Variants in CPD observed in about 807,000 individuals in gnomAD.
CPD encodes the protein carboxypeptidase D.
CPD carries 69 observed loss-of-function variants against 138.3 expected under a neutral mutation model. The ratio of observed to expected loss-of-function variants is 0.50; its 90% confidence interval spans 0.41 to 0.61. The LOEUF (loss-of-function observed/expected upper bound fraction) is 0.61. CPD is among the 20% of genes least tolerant of loss of function. CPD has a pLI of 0.00. For synonymous variants in CPD, 651 were observed against 642.1 expected (o/e 1.01, Z -0.21); for missense variants, 1,432 against 1,733.3 (o/e 0.83, Z 3.09).
intron 2 of CPD, among the ~76,000 whole-genome samples, chr17:30,420,182 T>G (rs1346133448): frequency 6.6e-6 from 1 of 152,214 alleles, no homozygotes; most frequent in Non-Finnish European, 1.5e-5. Flanking sequence ...GCTTAGTCCC[T>G]TTTAAGTTCC....
intron 2 of CPD, among the ~76,000 whole-genome samples, chr17:30,410,161 G>A (rs1911923572): frequency 6.6e-6 from 1 of 152,212 alleles, no homozygotes; most frequent in African/African-American, 2.4e-5. Context: ...ATGTAGTTGT[G>A]TAGTTTTGAG....
rs188407008 is a variant in CPD, at chr17:30,444,564, G to A, written c.2543+593G>A. 5.9e-5 allele frequency among the ~76,000 whole-genome samples: 7 copies of A among 117,914 alleles called. No individual in the cohort carries two copies. In the East Asian group the frequency reaches 1.6e-3, roughly 26 times the overall value. The allele number at this position is 117,914 out of a possible 152,430, so 77.4% of individuals were successfully genotyped here. Reference sequence around the variant, plus strand: ...TTTTGAGACAGAGCTTCTCTCTATCGCCCAGGCTGGAGTGCATGGCACTAT... The same window carrying A: ...TTTTGAGACAGAGCTTCTCTCTATCACCCAGGCTGGAGTGCATGGCACTAT... On this transcript the variant is annotated intron_variant, in intron 11 of 20. Coordinates refer to ENST00000225719, the MANE Select transcript of CPD (RefSeq NM_001304.5).
At chr17:30,459,392 G>A (rs1274790990) in intron 17 of CPD, among the ~76,000 whole-genome samples, 1 of 140,012 alleles carries the variant, frequency 7.1e-6, no homozygotes, top group Non-Finnish European at 1.5e-5. Context: ...CCCACAACAG[G>A]CCCTGGTGTG....
intron 2 of CPD, among the ~76,000 whole-genome samples, chr17:30,407,340 A>T (rs6505184): frequency 0.52 from 78,299 of 151,976 alleles, 20,803 homozygotes; most frequent in East Asian, 0.82. Context: ...CAGTAATAGG[A>T]TCGCTGGGTC....
chr17:30,439,558 C>T (rs113934184), intron 9 of CPD, among the ~76,000 whole-genome samples: 1 of 102,628 alleles, frequency 9.7e-6, no homozygotes, highest in Non-Finnish European at 1.9e-5. Context: ...TCCCTCCCCC[C>T]TCCCCCCACC....
chr17:30,462,221 T>G, intron 19 of CPD, 149 bp from the exon 20 acceptor site: 1 of 1,067,674 alleles, frequency 9.4e-7, no homozygotes. Flanking sequence ...TACCCCTTGC[T>G]AACAAAAGGG....
intron 2 of CPD, among the ~76,000 whole-genome samples, chr17:30,411,002 C>T (rs7502659): frequency 0.52 from 78,434 of 151,914 alleles, 20,887 homozygotes; most frequent in East Asian, 0.82. Flanking sequence ...GTACTGGTTG[C>T]TCTTTTCAAT....
chr17:30,442,902 T>G (rs1247389170), intron 10 of CPD, among the ~76,000 whole-genome samples: 1 of 152,138 alleles, frequency 6.6e-6, no homozygotes, highest in East Asian at 1.9e-4. Context: ...AGGTAAAGAT[T>G]ATAAGAAATA....
At chr17:30,451,568 AT>A in intron 13 of CPD, 142 bp from the exon 14 acceptor site, 2 of 735,438 alleles carry the variant, frequency 2.7e-6, no homozygotes, top group East Asian at 6.0e-5. Context: ...AGGAAATTTA[AT>A]TTTTTATTTT....
intron 16 of CPD, 30 bp from the exon 17 acceptor site, chr17:30,456,432 C>T: frequency 6.2e-7 from 1 of 1,613,086 alleles, no homozygotes; most frequent in Non-Finnish European, 8.5e-7. Flanking sequence ...TAAGGTCTTC[C>T]TGATTCCACA....
intron 8 of CPD, 146 bp downstream of exon 8, chr17:30,432,027 T>A (rs1718358022): frequency 1.3e-5 from 8 of 610,402 alleles, no homozygotes; most frequent in Admixed American, 6.4e-5. Context: ...TAGCTTTTTC[T>A]CCTGTTTCCC....
At chr17:30,429,488 T>C (rs931907921) in intron 7 of CPD, among the ~76,000 whole-genome samples, 2 of 152,176 alleles carry the variant, frequency 1.3e-5, no homozygotes, top group African/African-American at 4.8e-5. Flanking sequence ...GGCAAAGCAG[T>C]TTGAAGGAGA....
At chr17:30,409,649 T>A (rs1428908628) in intron 2 of CPD, among the ~76,000 whole-genome samples, 1 of 152,012 alleles carries the variant, frequency 6.6e-6, no homozygotes, top group Non-Finnish European at 1.5e-5. Context: ...TGTAGAGCGG[T>A]TTATAGTATT....
intron 9 of CPD, 143 bp from the exon 10 acceptor site, chr17:30,442,165 A>T: frequency 1.6e-6 from 1 of 618,608 alleles, no homozygotes; most frequent in Admixed American, 3.1e-5. Context: ...CGCAAGCATC[A>T]AAGTGCCCTC....
chr17:30,381,233 G>A (rs555377127), intron 1 of CPD, among the ~76,000 whole-genome samples: 29 of 152,190 alleles, frequency 1.9e-4, no homozygotes, highest in Admixed American at 5.9e-4. Flanking sequence ...TATTGACAGA[G>A]CTGTGATGGC....
At chr17:30,451,907 T>C in intron 14 of CPD, 61 bp downstream of exon 14, 14 of 1,504,408 alleles carry the variant, frequency 9.3e-6, no homozygotes, top group South Asian at 1.2e-5. Context: ...TGCTAGAAGA[T>C]TGATTGATCC....
chr17:30,423,631 GT>G lies in CPD; in HGVS notation c.1785del (p.His596IlefsTer11), dbSNP rs1180230062. ...AACAGACCCTGAAGTCACAGATTTG[GT>G]TCATAACACTAGAATTCACCTTATG... ...FGTDPEVTDL[V>X]HNTRIHLMPS... On this transcript the variant is annotated frameshift_variant, in exon 6 of 21. Transcript: ENST00000225719. LOFTEE classifies it high-confidence loss of function. The G allele has an allele frequency of 2.5e-6, 4 of 1,612,128 alleles. No individual in the cohort carries two copies. Among genetic ancestry groups the G allele is most frequent in the Non-Finnish European group, 3.4e-6 (4 of 1,179,220 alleles).
chr17:30,381,318 C>A (rs900015050), intron 1 of CPD, among the ~76,000 whole-genome samples: 3 of 152,074 alleles, frequency 2.0e-5, no homozygotes, highest in African/African-American at 7.2e-5. Flanking sequence ...TGTCCTTGCA[C>A]CTTTAAAATG....
chr17:30,419,088 G>C (rs1435454518), intron 2 of CPD, among the ~76,000 whole-genome samples: 2 of 152,194 alleles, frequency 1.3e-5, no homozygotes, highest in Non-Finnish European at 2.9e-5. Flanking sequence ...AGCACATAAT[G>C]AAACTTCAGC....
Sources: gnomAD v4.1 joint callset for allele counts (sites outside exome capture counted in the v4.1 genomes callset) on GRCh38, gnomAD v4.1.1 for gene constraint, MANE v1.5 for transcripts, NCBI Gene and HGNC (gene_info 2026-07-23, HGNC 2026-07-21) for gene names.